The following ZBTB46 variants were observed in gnomAD, a reference collection of about 807,000 sequenced individuals.
ZBTB46 encodes zinc finger and BTB domain-containing protein 46.
ZBTB46 carries 8 observed loss-of-function variants against 44.1 expected under a neutral mutation model. The ratio of observed to expected loss-of-function variants is 0.18; its 90% CI spans 0.11 to 0.33. The LOEUF is 0.33. ZBTB46 is among the 10% of genes least tolerant of loss of function. The pLI is 1.00. For synonymous variants in ZBTB46, 409 were observed against 382.3 expected, an observed-to-expected ratio of 1.07 and a Z score of -0.81; for missense variants, 651 against 847.7, an observed-to-expected ratio of 0.77 and a Z score of 2.88.
intron 3 of ZBTB46, among the ~76,000 whole-genome samples, chr20:63,771,677 C>T (rs956016739): frequency 6.6e-6 from 1 of 152,210 alleles, no homozygotes; most frequent in African/African-American, 2.4e-5. Context: ...TGGACGCAGG[C>T]GCTGGTGTCC....
At chr20:63,832,319 C>A (rs2092856211), upstream of ZBTB46, among the ~76,000 whole-genome samples, 1 of 152,032 alleles carries the variant, frequency 6.6e-6, no homozygotes, top group African/African-American at 2.4e-5. This position sits in a 1 kb window ranked among gnomAD's most constrained non-coding sequence, Gnocchi z 5.0. Flanking sequence ...GCTTCCTCTC[C>A]CCGGGCGCGG....
chr20:63,816,815 A>G (rs539669370), intron 1 of ZBTB46, among the ~76,000 whole-genome samples: 238 of 152,312 alleles, frequency 1.6e-3, no homozygotes, highest in African/African-American at 5.6e-3. Context: ...AAGAAAAGGA[A>G]AAGGCCAGGC....
Position 63,790,268 on chromosome 20 carries a change from C to T in ZBTB46, c.490G>A (p.Gly164Arg). Residue 164 changes from glycine to arginine, a missense_variant, in exon 2 of 5, where the codon GGG becomes AGG. Around this residue, in one of 5 missense-constraint regions of ZBTB46, gnomAD observed 385 missense variants for 423.3 expected, o/e 0.91. Transcript: ENST00000245663. ...TEALISAVMA[G>R]RSISPWLARR... ...GCCAGCCACGGGGAGATGCTCCTCC[C>T]AGCCATCACGGCCGAGATGAGAGCT... is the stretch of plus-strand genomic sequence containing the variant. 1 of 1,612,452 alleles carries T rather than the reference C, an allele frequency of 6.2e-7. No homozygotes were observed. The highest frequency in any genetic ancestry group is 1.7e-5 in the Admixed American group (1 of 59,936).
intron 1 of ZBTB46, among the ~76,000 whole-genome samples, chr20:63,791,172 C>A (rs1293816204): frequency 1.3e-5 from 2 of 152,174 alleles, no homozygotes; most frequent in African/African-American, 4.8e-5. Context: ...CCATCCCTCA[C>A]GCTTGAAGAA....
At chr20:63,819,267 GGTT>G (rs1403411630) in intron 1 of ZBTB46, among the ~76,000 whole-genome samples, 4 of 152,174 alleles carry the variant, frequency 2.6e-5, no homozygotes, top group Non-Finnish European at 5.9e-5. Context: ...TACAAAATGA[GGTT>G]GTTATCAATA....
chr20:63,797,977 T>G (rs1055135948), intron 1 of ZBTB46, among the ~76,000 whole-genome samples: 3 of 152,246 alleles, frequency 2.0e-5, no homozygotes, highest in Admixed American at 1.3e-4. Flanking sequence ...TGGTAGTTTC[T>G]TTTGCTGTGC....
chr20:63,824,209 G>A (rs2092808365), intron 1 of ZBTB46, among the ~76,000 whole-genome samples: 1 of 152,096 alleles, frequency 6.6e-6, no homozygotes, highest in South Asian at 2.1e-4. Context: ...ATTCCACACT[G>A]AAATGGGAGG....
chr20:63,808,264 C>G (rs2092694717), intron 1 of ZBTB46: 1 of 152,450 alleles, frequency 6.6e-6, no homozygotes, highest in South Asian at 2.1e-4. Context: ...CCATGGGGCC[C>G]CAGCGATGAA....
At position 63,799,197 on chromosome 20, in the gene ZBTB46, AT is replaced by A. The variant is rs879333019; in HGVS notation, c.-33-8408del. 7.7e-3 allele frequency among the ~76,000 whole-genome samples: 1,096 copies of A among 141,992 alleles called. 4 individuals carry two copies. Among genetic ancestry groups the A allele is most frequent in the African/African-American group, 0.015 (592 of 38,870 alleles). The allele number at this position is 141,992 out of a possible 152,430, so 93.2% of individuals were successfully genotyped here. A position where few individuals can be genotyped will look rare whatever the true frequency, so the allele number is the denominator to read the frequency against. ...AGGTGCACACCACCACACTCAGCTAATTTTTTTTTTTTTTTAATTTCTTACA... is the reference window on the plus strand; with the variant it reads ...AGGTGCACACCACCACACTCAGCTAATTTTTTTTTTTTTTAATTTCTTACA... On this transcript the variant is annotated intron_variant, in intron 1 of 4. Transcript: ENST00000245663.
At chr20:63,796,841 A>G (rs1466960186) in intron 1 of ZBTB46, among the ~76,000 whole-genome samples, 1 of 151,930 alleles carries the variant, frequency 6.6e-6, no homozygotes. Flanking sequence ...AATAAAATAA[A>G]ATAAAAATAA....
chr20:63,754,766 A>AT (rs977915004), intron 3 of ZBTB46, among the ~76,000 whole-genome samples: 1 of 151,124 alleles, frequency 6.6e-6, no homozygotes, highest in African/African-American at 2.4e-5. Flanking sequence ...CACCCAGCTA[A>AT]TTTTTTGTAT....
chr20:63,796,967 C>A (rs1171259703), intron 1 of ZBTB46, among the ~76,000 whole-genome samples: 1 of 152,166 alleles, frequency 6.6e-6, no homozygotes, highest in Non-Finnish European at 1.5e-5. Flanking sequence ...GTCAGGAGTT[C>A]AAGTCCAGCC....
chr20:63,762,674 A>C lies in ZBTB46; in HGVS notation c.1223-9813T>G, dbSNP rs553841187. On this transcript the variant is annotated intron_variant, in intron 3 of 4. Coordinates refer to ENST00000245663, the MANE Select transcript of ZBTB46 (RefSeq NM_001369741.1). ...TCAAAAAACAAACAAACAAACAAACAAACAAAAAAAAAACCAACTGAGCTG... is the reference window on the plus strand; with the variant it reads ...TCAAAAAACAAACAAACAAACAAACCAACAAAAAAAAAACCAACTGAGCTG... 2.3e-4 allele frequency among the ~76,000 whole-genome samples: 24 copies of C among 105,918 alleles called. No homozygotes were observed. The South Asian group carries it at 8.3e-3, about 36-fold the overall frequency. 69.5% of individuals were successfully genotyped at this position (105,918 alleles called of 152,430 possible). A position where few individuals can be genotyped will look rare whatever the true frequency, so the allele number is the denominator to read the frequency against.
At position 63,790,671 on chromosome 20, in the gene ZBTB46, G is replaced by A; in HGVS notation, c.87C>T (p.Val29=). 1 of 1,611,906 alleles carries A rather than the reference G, an allele frequency of 6.2e-7. No homozygotes were observed. The highest frequency in any genetic ancestry group is 8.5e-7 in the Non-Finnish European group (1 of 1,180,018). Residue 29 remains valine (V), a synonymous_variant, in exon 2 of 5, where the codon GTC becomes GTT. Transcript: ENST00000245663. The part of the protein sequence containing the change: ...RELNEQRQHG[V]LCDVCVVVEG... The stretch of plus-strand genomic sequence containing the variant: ...CCACGACCACGCAGACGTCGCACAG[G>A]ACGCCGTGCTGCCTCTGCTCGTTGA...
intron 4 of ZBTB46, 67 bp from the exon 5 acceptor site, chr20:63,747,368 GGCCTGGT>G: frequency 3.9e-6 from 4 of 1,012,828 alleles, no homozygotes; most frequent in Non-Finnish European, 4.9e-6. Context: ...GGGTGAGCAG[GGCCTGGT>G]GGAGGTGGGG....
In ZBTB46 at chr20:63,767,249, G is replaced by A. The variant is rs930251711; in HGVS notation, c.1222+8429C>T. Among the ~76,000 whole-genome samples the A allele has an allele frequency of 4.6e-5, 7 of 151,990 alleles. No individual in the cohort carries two copies. Among genetic ancestry groups the A allele is most frequent in the Non-Finnish European group, 8.8e-5 (6 of 67,982 alleles). Reference sequence around the variant, plus strand: ...GGAGCCACGTGGCTCCACTTCCCACGGATGGGGACATGTTTTCCCGCCCCT... The same window carrying A: ...GGAGCCACGTGGCTCCACTTCCCACAGATGGGGACATGTTTTCCCGCCCCT... On this transcript the variant is annotated intron_variant, in intron 3 of 4. Transcript: ENST00000245663. The surrounding 1 kb of genome is among the most constrained non-coding windows in gnomAD (Gnocchi z 5.0).
rs770995395 is a variant in ZBTB46, at chr20:63,790,090, T to C, written c.668A>G (p.Tyr223Cys). 1.9e-6 allele frequency: 3 copies of C among 1,613,962 alleles called. No homozygotes were observed. Among genetic ancestry groups the C allele is most frequent in the East Asian group, 2.2e-5 (1 of 44,894 alleles). ...CTCTTCCTTGATGCGCAGAGGCCCG[T>C]AGCCCACGTCTCCAGGCCATAGAGG... ...SQPLWPGDVG[Y>C]GPLRIKEEQV... is the part of the protein sequence containing the mutation. Residue 223 changes from tyrosine (Y) to cysteine (C), a missense_variant, in exon 2 of 5, where the codon TAC becomes TGC. This residue lies in a region of ZBTB46 where 385 missense variants were observed against 423.3 expected (regional missense o/e 0.91). Transcript: ENST00000245663.
At chr20:63,821,540 A>G (rs572460861) in intron 1 of ZBTB46, among the ~76,000 whole-genome samples, 29 of 151,402 alleles carry the variant, frequency 1.9e-4, no homozygotes, top group Non-Finnish European at 3.8e-4. Flanking sequence ...CCCAGGTTCA[A>G]GTGATTCTCC....
In ZBTB46 at chr20:63,803,279, T is replaced by G. The variant is rs1284349413; in HGVS notation, c.-33-12489A>C. On this transcript the variant is annotated intron_variant, in intron 1 of 4. Transcript: ENST00000245663. This position sits in a 1 kb window ranked among gnomAD's most constrained non-coding sequence, Gnocchi z 4.0. Reference sequence around the variant, plus strand: ...TACCTTCTTCTGAAAAAATTAAGGTTAAGACATGAATACTGTGAAACTGTC... The same window carrying G: ...TACCTTCTTCTGAAAAAATTAAGGTGAAGACATGAATACTGTGAAACTGTC... The G allele has an allele frequency of 1.3e-5, 13 of 982,230 alleles. No homozygotes were observed. Among genetic ancestry groups the G allele is most frequent in the Non-Finnish European group, 1.6e-5 (13 of 827,100 alleles). The allele number at this position is 982,230 out of a possible 1,614,324, so 60.8% of individuals were successfully genotyped here. A position where few individuals can be genotyped will look rare whatever the true frequency, so the allele number is the denominator to read the frequency against.
Sources: allele counts gnomAD v4.1 joint callset (sites outside exome capture counted in the v4.1 genomes callset), GRCh38; gene constraint gnomAD v4.1.1; regional missense constraint gnomAD v4.1.1; non-coding constraint Gnocchi (gnomAD v3.1); transcripts MANE v1.5; gene names NCBI Gene and HGNC (gene_info 2026-07-23, HGNC 2026-07-21).